The following FGF10 variants were observed in gnomAD, a reference collection of about 807,000 sequenced individuals.
The protein encoded by FGF10 is fibroblast growth factor 10, also known as FGF-10.
Under a neutral mutation model 19.8 loss-of-function variants are expected in FGF10, and 2 were observed. That is an observed-to-expected ratio of 0.10 (90% confidence interval 0.04 to 0.32). The LOEUF (loss-of-function observed/expected upper bound fraction) is 0.32. Among genes scored for constraint, FGF10 ranks in the 10% least tolerant of loss-of-function variants. The probability of loss-of-function intolerance (pLI) is 1.00; values close to 1 mark genes in which losing one functional copy is unlikely to be tolerated. For synonymous variants in FGF10, 112 were observed against 94.0 expected (o/e 1.19, Z -1.10); for missense variants, 191 against 246.3 (o/e 0.78, Z 1.50).
chr5:44,351,001 T>C (rs1278364250), intron 1 of FGF10, among the ~76,000 whole-genome samples: 1 of 151,440 alleles, frequency 6.6e-6, no homozygotes, highest in Non-Finnish European at 1.5e-5. Flanking sequence ...AGTAGGTAAA[T>C]ATCTATTAAT....
At chr5:44,345,570 C>T (rs551805049) in intron 1 of FGF10, among the ~76,000 whole-genome samples, 105 of 149,720 alleles carry the variant, frequency 7.0e-4, no homozygotes, top group African/African-American at 2.4e-3. Flanking sequence ...TTTTTCTTTG[C>T]TTCCCTTCTC....
Position 44,305,006 on chromosome 5 carries a change from C to A in FGF10, c.616G>T (p.Val206Leu), listed in dbSNP as rs202151850. 6.2e-7 allele frequency: 1 copy of A among 1,613,726 alleles called. No individual in the cohort carries two copies. Among genetic ancestry groups the A allele is most frequent in the South Asian group, 1.1e-5 (1 of 91,068 alleles). Reference protein sequence around the residue: ...NTSAHFLPMVVHS With the variant: ...NTSAHFLPMVLHS ...AACGTTGCCTTCCTCTATGAGTGTA[C>A]CACCATTGGAAGAAAGTGAGCAGAG... The change falls in exon 3 of 3, where the codon GTA becomes TTA. Residue 206 changes from valine to leucine, a missense_variant. Around this residue, in one of 2 missense-constraint regions of FGF10, gnomAD observed 99 missense variants for 161.7 expected, o/e 0.61. Coordinates refer to ENST00000264664, the MANE Select transcript of FGF10 (RefSeq NM_004465.2).
chr5:44,339,325 C>T (rs1021305172), intron 1 of FGF10, among the ~76,000 whole-genome samples: 3 of 152,024 alleles, frequency 2.0e-5, no homozygotes, highest in Non-Finnish European at 4.4e-5. Context: ...AAATGTTACA[C>T]ATATTATAAT....
At chr5:44,322,842 G>C (rs773704294) in intron 1 of FGF10, among the ~76,000 whole-genome samples, 30 of 151,744 alleles carry the variant, frequency 2.0e-4, no homozygotes, top group Non-Finnish European at 3.7e-4. Context: ...GTATAATTAT[G>C]TTATTATATA....
At chr5:44,332,450 T>C (rs1740756582) in intron 1 of FGF10, among the ~76,000 whole-genome samples, 1 of 152,162 alleles carries the variant, frequency 6.6e-6, no homozygotes, top group South Asian at 2.1e-4. Flanking sequence ...GACTTTGTTG[T>C]TTTTTCCTTT....
chr5:44,316,234 C>T (rs1038613567), intron 1 of FGF10, among the ~76,000 whole-genome samples: 1 of 152,152 alleles, frequency 6.6e-6, no homozygotes, highest in African/African-American at 2.4e-5. Context: ...TCCTCATTCC[C>T]TTTCGTGTAA....
intron 1 of FGF10, among the ~76,000 whole-genome samples, chr5:44,320,540 C>T (rs1021426912): frequency 3.3e-5 from 5 of 152,168 alleles, no homozygotes; most frequent in Non-Finnish European, 5.9e-5. Flanking sequence ...AAGAGTCCCA[C>T]TTAAATTATG....
chr5:44,371,838 C>T (rs187071421), intron 1 of FGF10, among the ~76,000 whole-genome samples: 1 of 152,250 alleles, frequency 6.6e-6, no homozygotes, highest in East Asian at 1.9e-4. Context: ...TTCATTTAAT[C>T]CTCATAGACG....
At chr5:44,366,369 T>G (rs1419786648) in intron 1 of FGF10, among the ~76,000 whole-genome samples, 1 of 151,878 alleles carries the variant, frequency 6.6e-6, no homozygotes, top group Non-Finnish European at 1.5e-5. Flanking sequence ...TTTTCACATA[T>G]GTGACATCTG....
intron 1 of FGF10, among the ~76,000 whole-genome samples, chr5:44,337,411 G>A (rs1740878965): frequency 6.6e-6 from 1 of 152,016 alleles, no homozygotes; most frequent in Non-Finnish European, 1.5e-5. Context: ...CACTAGTCCA[G>A]GTTAATGCAA....
intron 1 of FGF10, among the ~76,000 whole-genome samples, chr5:44,315,992 G>A (rs994809187): frequency 6.6e-6 from 1 of 152,156 alleles, no homozygotes; most frequent in African/African-American, 2.4e-5. Flanking sequence ...ACAGCGGGAG[G>A]CAAGCCATAG....
intron 1 of FGF10, among the ~76,000 whole-genome samples, chr5:44,381,645 C>T (rs963279104): frequency 6.6e-6 from 1 of 152,140 alleles, no homozygotes. Context: ...ATGAACATGT[C>T]AAGTTGTCCT....
intron 1 of FGF10, among the ~76,000 whole-genome samples, chr5:44,366,078 C>T (rs1222765866): frequency 1.3e-5 from 2 of 148,406 alleles, no homozygotes; most frequent in African/African-American, 4.9e-5. Flanking sequence ...CAGATTTTAG[C>T]CAATCCAATG....
intron 1 of FGF10, among the ~76,000 whole-genome samples, chr5:44,349,510 G>A (rs1296675588): frequency 9.8e-6 from 1 of 102,030 alleles, no homozygotes; most frequent in African/African-American, 3.6e-5. Context: ...ATATGTGTGT[G>A]TGTATATATC....
intron 1 of FGF10, among the ~76,000 whole-genome samples, chr5:44,330,537 G>A (rs1203948040): frequency 6.6e-6 from 1 of 152,164 alleles, no homozygotes; most frequent in Non-Finnish European, 1.5e-5. Flanking sequence ...ATATAAACAT[G>A]AGTGTGTCAC....
intron 1 of FGF10, among the ~76,000 whole-genome samples, chr5:44,376,489 C>T (rs1423671964): frequency 1.3e-4 from 1 of 7,642 alleles, no homozygotes; most frequent in African/African-American, 1.9e-4. Context: ...AATACAAATG[C>T]CAAAAAAAAA....
intron 1 of FGF10, among the ~76,000 whole-genome samples, chr5:44,372,572 A>G (rs1031939863): frequency 6.6e-6 from 1 of 152,214 alleles, no homozygotes; most frequent in Non-Finnish European, 1.5e-5. Flanking sequence ...ATCTCATTTA[A>G]GTAACAGCAG....
chr5:44,378,269 TG>T lies in FGF10; in HGVS notation c.325+10088del, dbSNP rs796351038. The stretch of plus-strand genomic sequence containing the variant: ...TTGGAATTTTCTACTTGTGGCATCA[TG>T]TTGGCACTCAAAAAGTTTTGGACTT... On this transcript the variant is annotated intron_variant, in intron 1 of 2. Coordinates refer to ENST00000264664, the MANE Select transcript of FGF10 (RefSeq NM_004465.2). Among the ~76,000 whole-genome samples, 37 of 152,334 alleles carry T rather than the reference TG, an allele frequency of 2.4e-4. 1 individual carries two copies. The highest frequency in any genetic ancestry group is 8.9e-4 in the African/African-American group (37 of 41,580).
chr5:44,311,449 C>T (rs1185621164), intron 1 of FGF10, among the ~76,000 whole-genome samples: 4 of 151,976 alleles, frequency 2.6e-5, no homozygotes, highest in African/African-American at 9.7e-5. Context: ...TAGCATGTGG[C>T]CTCTGGAGCC....
Sources: gnomAD v4.1 joint callset for allele counts (sites outside exome capture counted in the v4.1 genomes callset) on GRCh38, gnomAD v4.1.1 for gene constraint, gnomAD v4.1.1 regional missense constraint, MANE v1.5 for transcripts, NCBI Gene and HGNC (gene_info 2026-07-23, HGNC 2026-07-21) for gene names.